TECPR2: variants seen among roughly 807,000 people sequenced by gnomAD.
The protein encoded by TECPR2 is tectonin beta-propeller repeat containing 2, also known as tectonin beta-propeller repeat-containing protein 2.
A neutral mutation model predicts 138.1 loss-of-function variants in TECPR2; 65 were observed. That is an observed-to-expected ratio of 0.47 (90% CI 0.39 to 0.58). The LOEUF (loss-of-function observed/expected upper bound fraction) is 0.58, where lower values mean the gene tolerates loss of function less well. Ranked by LOEUF, TECPR2 falls within the 20% of genes least tolerant of loss-of-function variation. TECPR2 has a pLI of 0.00. For missense variants in TECPR2, 1,553 were observed against 1,824.5 expected, an observed-to-expected ratio of 0.85 and a Z score of 2.71; for synonymous variants, 746 against 749.8, an observed-to-expected ratio of 0.99 and a Z score of 0.08.
intron 2 of TECPR2, among the ~76,000 whole-genome samples, chr14:102,389,395 C>G (rs1449269827): frequency 6.6e-6 from 1 of 152,048 alleles, no homozygotes; most frequent in African/African-American, 2.4e-5. Flanking sequence ...GTGGAATAGT[C>G]ATACTAGTGG....
chr14:102,416,049 C>T (rs1051230350), intron 5 of TECPR2, among the ~76,000 whole-genome samples: 13 of 152,180 alleles, frequency 8.5e-5, no homozygotes, highest in African/African-American at 7.2e-5. Context: ...GGCAGCCCTC[C>T]GGCTGTTAAA....
intron 8 of TECPR2, 84 bp downstream of exon 8, chr14:102,432,212 A>G: frequency 7.6e-7 from 1 of 1,314,906 alleles, no homozygotes; most frequent in Non-Finnish European, 1.0e-6. Flanking sequence ...CTGAGTGAGC[A>G]ATGCTCCATA....
chr14:102,417,599 G>GAGCATTCCAGGCTCAGGGAAC lies in TECPR2; in HGVS notation c.638+2812_638+2832dup, dbSNP rs1302754686. On this transcript the variant is annotated intron_variant, in intron 5 of 19. Transcript: ENST00000359520. The stretch of plus-strand genomic sequence containing the variant: ...TGAAGCCTGGGAAGAGCTGCTGGAA[G>GAGCATTCCAGGCTCAGGGAAC]AGCATTCCAGGCTCAGGGAACAGCA... Among the ~76,000 whole-genome samples the GAGCATTCCAGGCTCAGGGAAC allele has an allele frequency of 3.3e-5, 5 of 152,356 alleles. No individual in the cohort carries two copies. In the East Asian group the frequency reaches 9.7e-4, roughly 29 times the overall value.
intron 4 of TECPR2, 27 bp downstream of exon 4, chr14:102,408,646 G>T (rs1452182655): frequency 6.4e-7 from 1 of 1,572,032 alleles, no homozygotes; most frequent in South Asian, 1.2e-5. Context: ...AAATACTGTT[G>T]GCTCTTACCT....
chr14:102,401,813 A>G (rs1247985295), intron 2 of TECPR2, among the ~76,000 whole-genome samples: 1 of 151,162 alleles, frequency 6.6e-6, no homozygotes, highest in Admixed American at 6.6e-5. Flanking sequence ...TCAAAAAAAA[A>G]AAAAAAAAAA....
At chr14:102,464,539 C>T (rs773816344) in intron 16 of TECPR2, among the ~76,000 whole-genome samples, 22 of 151,950 alleles carry the variant, frequency 1.4e-4, no homozygotes, top group Admixed American at 2.6e-4. Flanking sequence ...TGTGTGCCAC[C>T]ACACCCAACT....
chr14:102,399,128 C>T (rs892269768), intron 2 of TECPR2, among the ~76,000 whole-genome samples: 18 of 152,036 alleles, frequency 1.2e-4, no homozygotes, highest in African/African-American at 3.6e-4. Flanking sequence ...GGGATGGTGG[C>T]GTATGTGCCT....
intron 16 of TECPR2, among the ~76,000 whole-genome samples, chr14:102,462,100 C>T (rs569054161): frequency 6.6e-6 from 1 of 152,208 alleles, no homozygotes; most frequent in Non-Finnish European, 1.5e-5. Flanking sequence ...ATGTGAACTC[C>T]GTGTTCTGTG....
At chr14:102,400,725 T>C (rs1888453736) in intron 2 of TECPR2, among the ~76,000 whole-genome samples, 1 of 152,048 alleles carries the variant, frequency 6.6e-6, no homozygotes, top group Non-Finnish European at 1.5e-5. Context: ...GACAAAAACC[T>C]TAAGGCATAT....
At chr14:102,468,532 C>T (rs945911058) in intron 17 of TECPR2, among the ~76,000 whole-genome samples, 2 of 152,276 alleles carry the variant, frequency 1.3e-5, no homozygotes, top group East Asian at 3.9e-4. Flanking sequence ...GGGTACTAGA[C>T]CTTTATCAGA....
At chr14:102,459,307 T>C (rs1890350113) in intron 16 of TECPR2, among the ~76,000 whole-genome samples, 1 of 152,188 alleles carries the variant, frequency 6.6e-6, no homozygotes, top group South Asian at 2.1e-4. Flanking sequence ...GTTTTGATCC[T>C]ATATTTGGCC....
chr14:102,473,702 C>T (rs1890695967), intron 17 of TECPR2, among the ~76,000 whole-genome samples: 1 of 152,204 alleles, frequency 6.6e-6, no homozygotes, highest in South Asian at 2.1e-4. Context: ...ACTCAGTTTT[C>T]AGATTTGCTA....
At chr14:102,471,658 C>A (rs1441708547) in intron 17 of TECPR2, among the ~76,000 whole-genome samples, 1 of 151,906 alleles carries the variant, frequency 6.6e-6, no homozygotes, top group Non-Finnish European at 1.5e-5. Context: ...GCTATGATTG[C>A]CAGTTTTATT....
intron 13 of TECPR2, among the ~76,000 whole-genome samples, chr14:102,448,207 G>T (rs1458708013): frequency 2.0e-5 from 3 of 152,054 alleles, no homozygotes; most frequent in Non-Finnish European, 4.4e-5. Flanking sequence ...TAATCCACCT[G>T]CCTTGGCCTC....
intron 2 of TECPR2, among the ~76,000 whole-genome samples, chr14:102,401,656 T>A (rs1888484284): frequency 2.7e-5 from 4 of 150,832 alleles, no homozygotes; most frequent in African/African-American, 9.7e-5. Flanking sequence ...TACAAAAAAA[T>A]TAGCCATGCT....
At chr14:102,492,350 G>C (rs1157603101) in intron 17 of TECPR2, among the ~76,000 whole-genome samples, 1 of 152,216 alleles carries the variant, frequency 6.6e-6, no homozygotes, top group Non-Finnish European at 1.5e-5. Context: ...CCAGGCCCTG[G>C]TGTCAGGAGT....
intron 2 of TECPR2, among the ~76,000 whole-genome samples, chr14:102,395,350 G>T (rs555564506): frequency 1.3e-4 from 20 of 152,306 alleles, no homozygotes; most frequent in Admixed American, 1.2e-3. Flanking sequence ...CTCTATTGAA[G>T]ATTAAAATGG....
chr14:102,445,424 G>A (rs1351146015), intron 12 of TECPR2, among the ~76,000 whole-genome samples: 1 of 149,054 alleles, frequency 6.7e-6, no homozygotes, highest in Non-Finnish European at 1.5e-5. Flanking sequence ...TGGATTGGCG[G>A]GGGAAGGAGT....
intron 2 of TECPR2, among the ~76,000 whole-genome samples, chr14:102,402,470 C>T (rs919261330): frequency 6.6e-6 from 1 of 151,840 alleles, no homozygotes; most frequent in Non-Finnish European, 1.5e-5. Context: ...ACAACCTAAA[C>T]TTTACCATTT....
Sources: allele counts gnomAD v4.1 joint callset (sites outside exome capture counted in the v4.1 genomes callset), GRCh38; gene constraint gnomAD v4.1.1; transcripts MANE v1.5; gene names NCBI Gene and HGNC (gene_info 2026-07-23, HGNC 2026-07-21).